SHANK2: variants seen among roughly 807,000 people sequenced by gnomAD.
SHANK2 encodes the protein SH3 and multiple ankyrin repeat domains 2.
A neutral mutation model predicts 133.7 loss-of-function variants in SHANK2; 43 were observed. The observed-to-expected ratio is 0.32, with a 90% CI of 0.25 to 0.41. The LOEUF (loss-of-function observed/expected upper bound fraction) is 0.41, where lower values mean the gene tolerates loss of function less well. SHANK2 is among the 10% of genes least tolerant of loss of function. SHANK2 has a pLI of 1.00. For missense variants in SHANK2, 1,994 were observed against 2,235.8 expected, an observed-to-expected ratio of 0.89 and a Z score of 2.18; for synonymous variants, 1,017 against 952.8, an observed-to-expected ratio of 1.07 and a Z score of -1.24.
chr11:70,752,155 T>G (rs112551742), intron 14 of SHANK2, among the ~76,000 whole-genome samples: 2,213 of 152,270 alleles, frequency 0.015, 23 homozygotes, highest in Non-Finnish European at 0.022. Flanking sequence ...CACTTTCTTA[T>G]CCAGGCTGGT....
intron 14 of SHANK2, among the ~76,000 whole-genome samples, chr11:70,774,287 C>G (rs951711069): frequency 2.0e-5 from 3 of 151,872 alleles, no homozygotes; most frequent in African/African-American, 7.3e-5. Context: ...GTCATGGTTG[C>G]CAGGGCTCCG....
At chr11:70,842,945 G>A (rs9737078) in intron 11 of SHANK2, among the ~76,000 whole-genome samples, 4,066 of 152,184 alleles carry the variant, frequency 0.027, 165 homozygotes, top group African/African-American at 0.092. Flanking sequence ...CCATTCCCTC[G>A]TGTCATCTGA....
chr11:70,729,239 G>C (rs1946233436), intron 14 of SHANK2, among the ~76,000 whole-genome samples: 1 of 151,236 alleles, frequency 6.6e-6, no homozygotes, highest in South Asian at 2.1e-4. Context: ...AAGAAATACT[G>C]ATACACGTGG....
intron 17 of SHANK2, among the ~76,000 whole-genome samples, chr11:70,618,716 C>A (rs2060790076): frequency 6.6e-6 from 1 of 152,242 alleles, no homozygotes; most frequent in African/African-American, 2.4e-5. Context: ...CATGCGGAAA[C>A]CCTGGCCGCC....
At chr11:70,527,014 C>T (rs558282976) in intron 17 of SHANK2, among the ~76,000 whole-genome samples, 6 of 152,330 alleles carry the variant, frequency 3.9e-5, no homozygotes, top group South Asian at 2.1e-4. Context: ...CAGTCCTCAA[C>T]GCTTCCTACA....
chr11:71,104,639 CT>C (rs1412989532), intron 6 of SHANK2, among the ~76,000 whole-genome samples: 1 of 152,216 alleles, frequency 6.6e-6, no homozygotes, highest in Non-Finnish European at 1.5e-5. Context: ...TCCTTTGTTT[CT>C]GAGAGCACCC....
rs568940439 is a variant in SHANK2, at chr11:70,689,040, C to T, written c.1853+9648G>A. Among the ~76,000 whole-genome samples the T allele has an allele frequency of 2.4e-4, 36 of 152,314 alleles. 1 individual carries two copies. The highest frequency in any genetic ancestry group is 6.8e-3 in the Middle Eastern group (2 of 294). ...TCTTTTTGGTGTTTGACCTGAGGAA[C>T]GTGCAGTTCACCTGAGCTCTGCCGT... On this transcript the variant is annotated intron_variant, in intron 15 of 25. Coordinates refer to ENST00000601538, the MANE Select transcript of SHANK2 (RefSeq NM_012309.5).
intron 10 of SHANK2, chr11:70,950,991 TTAAG>T (rs1950827153): frequency 5.8e-6 from 1 of 172,578 alleles, no homozygotes; most frequent in Non-Finnish European, 1.2e-5. Context: ...TGAAGGCACA[TTAAG>T]ACTACAGCAC....
intron 11 of SHANK2, among the ~76,000 whole-genome samples, chr11:70,888,012 A>G (rs1555073878): frequency 6.6e-6 from 1 of 152,188 alleles, no homozygotes; most frequent in Non-Finnish European, 1.5e-5. Context: ...GTTGTATAAG[A>G]CAAGTCTTGC....
chr11:70,871,165 A>G (rs937943839), intron 11 of SHANK2, among the ~76,000 whole-genome samples: 2 of 152,110 alleles, frequency 1.3e-5, no homozygotes, highest in Admixed American at 1.3e-4. Flanking sequence ...TTCTGTAAAG[A>G]CCCTACCTCT....
At chr11:70,562,320 G>T (rs988859720) in intron 17 of SHANK2, among the ~76,000 whole-genome samples, 14 of 152,302 alleles carry the variant, frequency 9.2e-5, no homozygotes, top group Admixed American at 8.5e-4. Context: ...GTTTGTTCAT[G>T]GTTTCCTATA....
intron 16 of SHANK2, among the ~76,000 whole-genome samples, chr11:70,660,683 G>A (rs368728224): frequency 6.6e-6 from 1 of 152,206 alleles, no homozygotes; most frequent in Non-Finnish European, 1.5e-5. Flanking sequence ...TTCCAGCAGG[G>A]GGAGGGGAGA....
chr11:70,554,511 C>T (rs1333659240), intron 17 of SHANK2, among the ~76,000 whole-genome samples: 4 of 9,352 alleles, frequency 4.3e-4, no homozygotes, highest in Non-Finnish European at 1.7e-3. Context: ...AGAAAAATTG[C>T]ACTGCACAGA....
chr11:70,665,796 C>T (rs1254408527), intron 15 of SHANK2, among the ~76,000 whole-genome samples: 2 of 152,202 alleles, frequency 1.3e-5, no homozygotes, highest in Non-Finnish European at 2.9e-5. Flanking sequence ...AGTGAATGCT[C>T]CATGAGCAGG....
intron 14 of SHANK2, among the ~76,000 whole-genome samples, chr11:70,699,899 C>T (rs1945481836): frequency 6.6e-6 from 1 of 152,210 alleles, no homozygotes; most frequent in African/African-American, 2.4e-5. Context: ...GAGATGTGAG[C>T]ACAAGCAGGG....
intron 6 of SHANK2, among the ~76,000 whole-genome samples, chr11:71,095,336 G>A (rs1951590178): frequency 6.6e-6 from 1 of 152,250 alleles, no homozygotes; most frequent in Non-Finnish European, 1.5e-5. Context: ...CCAGTCTGCA[G>A]ATGAGCGTGG....
chr11:70,770,508 G>A (rs542937275), intron 14 of SHANK2, among the ~76,000 whole-genome samples: 45 of 152,236 alleles, frequency 3.0e-4, no homozygotes, highest in Non-Finnish European at 5.6e-4. Flanking sequence ...TGCCTGGAGC[G>A]GCCAATGAGC....
At chr11:71,164,345 C>T (rs1179666608) in intron 2 of SHANK2, among the ~76,000 whole-genome samples, 2 of 152,210 alleles carry the variant, frequency 1.3e-5, no homozygotes, top group Non-Finnish European at 2.9e-5. Context: ...GAGGCTTTGG[C>T]ATTAAACAGA....
At chr11:70,810,059 G>A (rs1346170332) in intron 12 of SHANK2, among the ~76,000 whole-genome samples, 1 of 152,230 alleles carries the variant, frequency 6.6e-6, no homozygotes, top group East Asian at 1.9e-4. Flanking sequence ...GTTCCCCATC[G>A]ATGGACATCA....
Sources: gnomAD v4.1 joint callset for allele counts (sites outside exome capture counted in the v4.1 genomes callset) on GRCh38, gnomAD v4.1.1 for gene constraint, MANE v1.5 for transcripts, NCBI Gene and HGNC (gene_info 2026-07-23, HGNC 2026-07-21) for gene names.